LRFN2: variants seen among roughly 807,000 people sequenced by gnomAD.
The protein encoded by LRFN2 is leucine rich repeat and fibronectin type III domain containing 2, also known as leucine-rich repeat and fibronectin type-III domain-containing protein 2.
LRFN2 carries 18 observed loss-of-function variants against 37.3 expected under a neutral mutation model. The ratio of observed to expected loss-of-function variants is 0.48; its 90% confidence interval spans 0.33 to 0.72. The LOEUF (loss-of-function observed/expected upper bound fraction) is 0.72. LRFN2 is among the 30% of genes least tolerant of loss of function. The pLI, the probability that LRFN2 is intolerant of heterozygous loss-of-function variation, is 0.02. For synonymous variants in LRFN2, 556 were observed against 466.6 expected, an observed-to-expected ratio of 1.19 and a Z score of -2.47; for missense variants, 1,006 against 1,060.7, an observed-to-expected ratio of 0.95 and a Z score of 0.72.
intron 1 of LRFN2, among the ~76,000 whole-genome samples, chr6:40,574,308 A>C (rs1482475024): frequency 6.6e-6 from 1 of 152,178 alleles, no homozygotes. Context: ...GGGGAAAGTG[A>C]GGCTCAAAGA....
At chr6:40,571,475 G>A (rs1767185277) in intron 1 of LRFN2, among the ~76,000 whole-genome samples, 3 of 152,162 alleles carry the variant, frequency 2.0e-5, no homozygotes, top group Non-Finnish European at 4.4e-5. Context: ...AGCAGCCAAG[G>A]TCCATCATTT....
At chr6:40,442,973 A>C (rs965428820) in intron 1 of LRFN2, among the ~76,000 whole-genome samples, 1 of 152,198 alleles carries the variant, frequency 6.6e-6, no homozygotes, top group Non-Finnish European at 1.5e-5. Flanking sequence ...GTGGTGTAAC[A>C]TCACCCATAG....
At chr6:40,445,584 A>C (rs1164231833) in intron 1 of LRFN2, among the ~76,000 whole-genome samples, 2 of 152,184 alleles carry the variant, frequency 1.3e-5, no homozygotes, top group Non-Finnish European at 2.9e-5. Context: ...ACAAAGATTC[A>C]AGGTATTGTG....
chr6:40,407,057 T>C (rs544186963), intron 2 of LRFN2, among the ~76,000 whole-genome samples: 3 of 152,286 alleles, frequency 2.0e-5, no homozygotes, highest in South Asian at 4.1e-4. Flanking sequence ...AGACTGTCAA[T>C]GGAGAGGCCC....
chr6:40,549,101 A>T (rs993219100), intron 1 of LRFN2, among the ~76,000 whole-genome samples: 1 of 152,232 alleles, frequency 6.6e-6, no homozygotes, highest in Non-Finnish European at 1.5e-5. Flanking sequence ...GTGGGACAAC[A>T]AGCAACAAAG....
In LRFN2 at chr6:40,432,893, T is replaced by C. The variant is rs1763542989; in HGVS notation, c.221A>G (p.Asn74Ser). The change falls in exon 2 of 3, where the codon AAC becomes AGC. Residue 74 changes from asparagine to serine, a missense_variant. Coordinates refer to ENST00000338305, the MANE Select transcript of LRFN2 (RefSeq NM_020737.3). ...IIHISRQDFA[N>S]MTGLVDLTLS... ...GGTCAGGTCCACCAGCCCCGTCATG[T>C]TGGCAAAGTCCTGGCGGCTGATGTG... 2 of 1,614,106 alleles carry C rather than the reference T, an allele frequency of 1.2e-6. No homozygotes were observed. Among genetic ancestry groups the C allele is most frequent in the African/African-American group, 1.3e-5 (1 of 74,950 alleles).
intron 1 of LRFN2, among the ~76,000 whole-genome samples, chr6:40,520,961 G>A (rs1465532380): frequency 1.3e-5 from 2 of 152,098 alleles, no homozygotes; most frequent in African/African-American, 4.8e-5. Context: ...AATGACATAC[G>A]CACTGGAACA....
chr6:40,541,012 C>T (rs930769065), intron 1 of LRFN2, among the ~76,000 whole-genome samples: 54 of 152,304 alleles, frequency 3.5e-4, no homozygotes, highest in African/African-American at 1.0e-3. Flanking sequence ...TATGCTGTGG[C>T]CCCGGTGCCC....
chr6:40,586,848 C>T (rs897608999), intron 1 of LRFN2, 93 bp downstream of exon 1: 42 of 152,266 alleles, frequency 2.8e-4, no homozygotes, highest in African/African-American at 9.6e-4. Flanking sequence ...GAAAGGGATG[C>T]AAAGTTCCCG....
chr6:40,569,620 A>C (rs1421223918), intron 1 of LRFN2, among the ~76,000 whole-genome samples: 3 of 152,152 alleles, frequency 2.0e-5, no homozygotes, highest in Non-Finnish European at 4.4e-5. Flanking sequence ...AGGAGGATTA[A>C]GTAATTAAAC....
chr6:40,558,654 T>C (rs1446037513), intron 1 of LRFN2, among the ~76,000 whole-genome samples: 2 of 152,194 alleles, frequency 1.3e-5, no homozygotes, highest in East Asian at 3.9e-4. Flanking sequence ...AGACTGACGT[T>C]AGAAACATGA....
At chr6:40,509,842 C>T (rs1026286574) in intron 1 of LRFN2, among the ~76,000 whole-genome samples, 27 of 141,864 alleles carry the variant, frequency 1.9e-4, no homozygotes, top group African/African-American at 7.3e-4. Context: ...GGTAGGAGAG[C>T]TGAGTGCACG....
chr6:40,392,497 T>C lies in LRFN2; in HGVS notation c.1816A>G (p.Asn606Asp), dbSNP rs754903145. The C allele has an allele frequency of 1.9e-6, 3 of 1,582,416 alleles. No homozygotes were observed. The highest frequency in any genetic ancestry group is 8.6e-7 in the Non-Finnish European group (1 of 1,165,474). The change falls in exon 3 of 3, where the codon AAC (asparagine) becomes GAC (aspartate). Residue 606 changes from asparagine to aspartate, a missense_variant. Physicochemically the swap from Asn to Asp is conservative, Grantham distance 23. This residue lies in a region of LRFN2 where 398 missense variants were observed against 327.6 expected (regional missense o/e 1.21). Coordinates refer to ENST00000338305, the MANE Select transcript of LRFN2 (RefSeq NM_020737.3). This position sits in a 1 kb window ranked among gnomAD's most constrained non-coding sequence, Gnocchi z 4.7. The part of the protein sequence containing the change: ...PQGPPKVVVR[N>D]ELLDFTASLA... ...CTGGCGGTGAAGTCCAGGAGCTCGTTGCGCACCACCACCTTCGGCGGGCCC... is the reference window on the plus strand; with the variant it reads ...CTGGCGGTGAAGTCCAGGAGCTCGTCGCGCACCACCACCTTCGGCGGGCCC...
chr6:40,487,398 AG>A (rs766194545), intron 1 of LRFN2, among the ~76,000 whole-genome samples: 4 of 152,196 alleles, frequency 2.6e-5, no homozygotes, highest in Non-Finnish European at 5.9e-5. Context: ...GGTGCCTCAC[AG>A]GTGCTCCAGA....
At chr6:40,550,296 G>A (rs1027440078) in intron 1 of LRFN2, among the ~76,000 whole-genome samples, 2 of 152,158 alleles carry the variant, frequency 1.3e-5, no homozygotes, top group African/African-American at 4.8e-5. Flanking sequence ...GACTGACTCA[G>A]CAGTATCTCT....
At chr6:40,512,988 T>C (rs1405359583) in intron 1 of LRFN2, among the ~76,000 whole-genome samples, 5 of 152,164 alleles carry the variant, frequency 3.3e-5, no homozygotes, top group Non-Finnish European at 5.9e-5. Flanking sequence ...CTTTTCTGTT[T>C]ATAAACGTCA....
intron 1 of LRFN2, among the ~76,000 whole-genome samples, chr6:40,523,292 C>G (rs1766140628): frequency 6.6e-6 from 1 of 152,114 alleles, no homozygotes; most frequent in Admixed American, 6.5e-5. Flanking sequence ...CAGTTTTGCT[C>G]TTGCAGACAG....
At chr6:40,539,750 C>T (rs1018494901) in intron 1 of LRFN2, among the ~76,000 whole-genome samples, 8 of 152,154 alleles carry the variant, frequency 5.3e-5, no homozygotes, top group African/African-American at 9.7e-5. Context: ...AGCAAATAAA[C>T]GGAGATCTAA....
intron 1 of LRFN2, among the ~76,000 whole-genome samples, chr6:40,435,165 G>T (rs539670266): frequency 6.8e-6 from 1 of 148,000 alleles, no homozygotes; most frequent in East Asian, 2.0e-4. Flanking sequence ...GAGAGAGAGA[G>T]AGAGAGAGAG....
Sources: allele counts gnomAD v4.1 joint callset (sites outside exome capture counted in the v4.1 genomes callset), GRCh38; gene constraint gnomAD v4.1.1; regional missense constraint gnomAD v4.1.1; non-coding constraint Gnocchi (gnomAD v3.1); transcripts MANE v1.5; gene names NCBI Gene and HGNC (gene_info 2026-07-23, HGNC 2026-07-21).